FER: variants seen among roughly 807,000 people sequenced by gnomAD.
The protein encoded by FER is tyrosine-protein kinase Fer.
A neutral mutation model predicts 111.0 loss-of-function variants in FER; 63 were observed. The ratio of observed to expected loss-of-function variants is 0.57; its 90% CI spans 0.46 to 0.70. The LOEUF (loss-of-function observed/expected upper bound fraction) is 0.70. FER is among the 30% of genes least tolerant of loss of function. The pLI is 0.00. For missense variants in FER, 914 were observed against 954.0 expected (o/e 0.96, Z 0.55); for synonymous variants, 327 against 313.9 (o/e 1.04, Z -0.44).
rs189164780 is a variant in FER, at chr5:108,970,511, C to A, written c.1656+11164C>A. Among the ~76,000 whole-genome samples the A allele has an allele frequency of 3.3e-5, 5 of 152,210 alleles. No homozygotes were observed. The East Asian group carries it at 7.7e-4, about 23-fold the overall frequency. On this transcript the variant is annotated intron_variant, in intron 13 of 19. Coordinates refer to ENST00000281092, the MANE Select transcript of FER (RefSeq NM_005246.4). The stretch of plus-strand genomic sequence containing the variant: ...CTGGGATTACAGGCGTGAGCCACTG[C>A]GCCCAGCCTATACTTTATTTTTAGA...
At chr5:109,136,117 G>T (rs535453028) in intron 17 of FER, among the ~76,000 whole-genome samples, 3 of 151,728 alleles carry the variant, frequency 2.0e-5, no homozygotes, top group Admixed American at 2.0e-4. Context: ...GTAGTCGAGC[G>T]TAGTGGCACT....
At chr5:108,826,182 G>A (rs898263989) in intron 3 of FER, among the ~76,000 whole-genome samples, 1 of 152,108 alleles carries the variant, frequency 6.6e-6, no homozygotes, top group Admixed American at 6.5e-5. Flanking sequence ...ATATTGACAC[G>A]ATCACATGAA....
intron 5 of FER, among the ~76,000 whole-genome samples, chr5:108,867,139 G>C (rs1304314427): frequency 6.6e-6 from 1 of 152,014 alleles, no homozygotes; most frequent in Non-Finnish European, 1.5e-5. Context: ...AGTTCACAAG[G>C]CTCTATTTCA....
intron 13 of FER, among the ~76,000 whole-genome samples, chr5:108,965,850 A>C (rs1759737010): frequency 6.6e-6 from 1 of 152,206 alleles, no homozygotes; most frequent in South Asian, 2.1e-4. Flanking sequence ...TGTTGTGCTA[A>C]GGGAAATACA....
intron 3 of FER, chr5:108,818,039 C>A (rs1207713520): frequency 6.6e-6 from 1 of 152,012 alleles, no homozygotes; most frequent in Non-Finnish European, 1.5e-5. Context: ...AATTATTATT[C>A]CTCCTTTTTA....
chr5:109,001,640 T>C (rs566861280), intron 13 of FER, among the ~76,000 whole-genome samples: 17,462 of 152,016 alleles, frequency 0.11, 1,074 homozygotes, highest in Middle Eastern at 0.16. Context: ...CCAGGGCAAT[T>C]ATGCAGGAGA....
intron 13 of FER, among the ~76,000 whole-genome samples, chr5:108,997,528 C>A (rs1376475866): frequency 6.6e-6 from 1 of 151,966 alleles, no homozygotes; most frequent in Non-Finnish European, 1.5e-5. Flanking sequence ...TAATTGAATA[C>A]CCTTTATTTC....
chr5:108,855,649 T>G (rs777714681), intron 5 of FER, among the ~76,000 whole-genome samples: 11 of 150,288 alleles, frequency 7.3e-5, no homozygotes, highest in Non-Finnish European at 1.3e-4. Flanking sequence ...ACTAAGTGAA[T>G]GTACTATTCT....
chr5:108,876,635 T>C (rs1011666600), intron 8 of FER, among the ~76,000 whole-genome samples: 2 of 152,224 alleles, frequency 1.3e-5, no homozygotes, highest in East Asian at 1.9e-4. Flanking sequence ...GTGTTTATTA[T>C]GCAATTGCAC....
At chr5:109,075,375 T>G (rs1045534587) in intron 16 of FER, among the ~76,000 whole-genome samples, 5 of 152,118 alleles carry the variant, frequency 3.3e-5, no homozygotes, top group Non-Finnish European at 5.9e-5. Flanking sequence ...TTGAATATTA[T>G]TTTCTAGATT....
At position 108,985,589 on chromosome 5, in the gene FER, T is replaced by A. The variant is rs539783184; in HGVS notation, c.1656+26242T>A. 7.1e-4 allele frequency among the ~76,000 whole-genome samples: 108 copies of A among 152,072 alleles called. 1 individual carries two copies. The highest frequency in any genetic ancestry group is 1.1e-3 in the Non-Finnish European group (72 of 67,992). ...GTGTAGTCTTATATCCCTGATTCCC[T>A]CCCACCATTTCCCACGAGTCCCCAA... On this transcript the variant is annotated intron_variant, in intron 13 of 19. Coordinates refer to ENST00000281092, the MANE Select transcript of FER (RefSeq NM_005246.4).
intron 14 of FER, among the ~76,000 whole-genome samples, chr5:109,039,381 A>G (rs146406792): frequency 5.8e-4 from 88 of 152,248 alleles, no homozygotes; most frequent in Admixed American, 1.4e-3. Flanking sequence ...TACAGTTTCA[A>G]TGAGCAAGTA....
At position 109,066,375 on chromosome 5, in the gene FER, T is replaced by C. The variant is rs544746830; in HGVS notation, c.1924+19177T>C. Among the ~76,000 whole-genome samples the C allele has an allele frequency of 2.4e-4, 37 of 152,308 alleles. No individual in the cohort carries two copies. The South Asian group carries it at 7.3e-3, about 30-fold the overall frequency. ...TTTTACAATTTTTTACATCTTTATA[T>C]GTGCTTTTTTAAAATAAAAGATTTT... is the stretch of plus-strand genomic sequence containing the variant. On this transcript the variant is annotated intron_variant, in intron 16 of 19. Coordinates refer to ENST00000281092, the MANE Select transcript of FER (RefSeq NM_005246.4).
chr5:109,135,637 C>G (rs1234707028), intron 17 of FER, among the ~76,000 whole-genome samples: 1 of 152,140 alleles, frequency 6.6e-6, no homozygotes, highest in Non-Finnish European at 1.5e-5. Flanking sequence ...GCCTCCCCAA[C>G]TCACCAAAAC....
chr5:109,078,473 T>G (rs1776624597), intron 16 of FER, among the ~76,000 whole-genome samples: 1 of 152,188 alleles, frequency 6.6e-6, no homozygotes, highest in African/African-American at 2.4e-5. Flanking sequence ...TTTTTCTTTC[T>G]CAGTCAACCT....
At chr5:108,866,654 T>C (rs953699150) in intron 5 of FER, among the ~76,000 whole-genome samples, 2 of 151,954 alleles carry the variant, frequency 1.3e-5, no homozygotes, top group East Asian at 3.9e-4. Flanking sequence ...AAATACAAGT[T>C]ACAAAAGAAT....
chr5:109,026,880 C>T (rs1389130027), intron 13 of FER, among the ~76,000 whole-genome samples: 2 of 151,960 alleles, frequency 1.3e-5, no homozygotes, highest in Non-Finnish European at 2.9e-5. Context: ...GGGGTTTTAC[C>T]ATGTTGGCCA....
intron 17 of FER, among the ~76,000 whole-genome samples, chr5:109,122,545 C>T (rs1582130883): frequency 6.7e-6 from 1 of 149,932 alleles, no homozygotes; most frequent in African/African-American, 2.4e-5. Flanking sequence ...GCATGTTCTG[C>T]AGCCTTTGGT....
chr5:108,854,545 C>A (rs569671094), intron 5 of FER, among the ~76,000 whole-genome samples: 12 of 152,286 alleles, frequency 7.9e-5, no homozygotes, highest in African/African-American at 2.9e-4. Flanking sequence ...ACCTGGAATG[C>A]AATGCATGTA....
Sources: gnomAD v4.1 joint callset for allele counts (sites outside exome capture counted in the v4.1 genomes callset) on GRCh38, gnomAD v4.1.1 for gene constraint, MANE v1.5 for transcripts, NCBI Gene and HGNC (gene_info 2026-07-23, HGNC 2026-07-21) for gene names.